Variants in TPD52L2 observed in about 807,000 individuals in gnomAD.
TPD52L2 encodes tumor protein D54.
A neutral mutation model predicts 24.7 loss-of-function variants in TPD52L2; 19 were observed. That is an observed-to-expected ratio of 0.77 (90% CI 0.54 to 1.13). The LOEUF (loss-of-function observed/expected upper bound fraction) is 1.13. Ranked by LOEUF, TPD52L2 falls within the 50% of genes most tolerant of loss-of-function variation. The pLI, the probability that TPD52L2 is intolerant of heterozygous loss-of-function variation, is 0.00. For synonymous variants in TPD52L2, 104 were observed against 100.2 expected, an observed-to-expected ratio of 1.04 and a Z score of -0.23; for missense variants, 236 against 250.4, an observed-to-expected ratio of 0.94 and a Z score of 0.39.
At chr20:63,866,243 T>C (rs1307156533) in intron 1 of TPD52L2, among the ~76,000 whole-genome samples, 1 of 151,760 alleles carries the variant, frequency 6.6e-6, no homozygotes, top group Non-Finnish European at 1.5e-5. Context: ...TAGCTGGGAC[T>C]ACAGGCACGC....
chr20:63,871,928 C>T (rs1473308266), intron 2 of TPD52L2, among the ~76,000 whole-genome samples: 1 of 152,022 alleles, frequency 6.6e-6, no homozygotes, highest in Non-Finnish European at 1.5e-5. Flanking sequence ...GCTATCGTAC[C>T]CGGCCAAGAA....
At chr20:63,886,151 G>T (rs1470258731) in intron 5 of TPD52L2, 2 of 1,099,622 alleles carry the variant, frequency 1.8e-6, no homozygotes, top group Non-Finnish European at 1.4e-6. Context: ...AGTGAAAGTG[G>T]GATCACCCCT....
At chr20:63,887,719 C>T (rs931118496) in intron 5 of TPD52L2, 1 of 1,123,870 alleles carries the variant, frequency 8.9e-7, no homozygotes, top group Admixed American at 1.8e-5. Flanking sequence ...ATTGAGGACT[C>T]CATTCCCTTG....
chr20:63,886,694 G>C (rs1187203882), intron 5 of TPD52L2, among the ~76,000 whole-genome samples: 1 of 150,126 alleles, frequency 6.7e-6, no homozygotes, highest in African/African-American at 2.5e-5. Context: ...CACCAGGCTG[G>C]AGCACAGTGG....
chr20:63,873,908 G>A (rs1306137588), intron 3 of TPD52L2, 92 bp downstream of exon 3: 14 of 1,368,976 alleles, frequency 1.0e-5, no homozygotes, highest in Non-Finnish European at 7.6e-6. Flanking sequence ...CATGCCCAGG[G>A]ACGAGTTGCA....
chr20:63,873,621 C>T, intron 2 of TPD52L2, 47 bp from the exon 3 acceptor site: 3 of 1,600,166 alleles, frequency 1.9e-6, no homozygotes, highest in Non-Finnish European at 2.6e-6. Flanking sequence ...ATGTTAGTCA[C>T]TTCCTGCAGT....
chr20:63,875,278 C>T (rs1195159562), intron 3 of TPD52L2, among the ~76,000 whole-genome samples: 1 of 152,026 alleles, frequency 6.6e-6, no homozygotes, highest in Non-Finnish European at 1.5e-5. Context: ...ACACCTGTCC[C>T]AGATGTCGCT....
In TPD52L2 at chr20:63,882,738, ACT is replaced by A; in HGVS notation, c.397_398del (p.Leu133PhefsTer35). 1.2e-6 allele frequency: 2 copies of A among 1,614,068 alleles called. No individual in the cohort carries two copies. The highest frequency in any genetic ancestry group is 2.2e-5 in the East Asian group (1 of 44,880). On this transcript the variant is annotated frameshift_variant, in exon 5 of 7. Transcript: ENST00000346249. LOFTEE classifies it high-confidence loss of function. ...TTCCAGCTACAAGAAGACTCAGGAAACTCTTTCACAGGCAGGACAGAAGACTT... is the reference window on the plus strand; with the variant it reads ...TTCCAGCTACAAGAAGACTCAGGAAACTTTCACAGGCAGGACAGAAGACTT... ...QSDLYKKTQE[T>X]LSQAGQKTSA...
chr20:63,872,042 CTT>C (rs34989051), intron 2 of TPD52L2, among the ~76,000 whole-genome samples: 203 of 106,838 alleles, frequency 1.9e-3, no homozygotes, highest in East Asian at 2.2e-3. Flanking sequence ...AGGTCATGTT[CTT>C]TTTTTTTTTT....
rs1288512442 is a variant in TPD52L2, at chr20:63,873,743, C to T, written c.241C>T (p.Leu81=). The change falls in exon 3 of 7, where the codon CTG becomes TTG. Residue 81 remains leucine (L), a synonymous_variant. Coordinates refer to ENST00000346249, the MANE Select transcript of TPD52L2 (RefSeq NM_003288.4). ...ERHCGELKRR[L]GLSTLGELKQ... ...GCACTGTGGAGAGCTCAAGAGGAGG[C>T]TGGGCCTCTCCACCCTGGGGGAGCT... The T allele has an allele frequency of 6.2e-7, 1 of 1,606,850 alleles. No individual in the cohort carries two copies. Among genetic ancestry groups the T allele is most frequent in the African/African-American group, 1.3e-5 (1 of 74,528 alleles).
At chr20:63,879,173 A>G (rs1243719480) in intron 4 of TPD52L2, among the ~76,000 whole-genome samples, 2 of 152,168 alleles carry the variant, frequency 1.3e-5, no homozygotes, top group Admixed American at 6.5e-5. Context: ...GCCTCAGGCT[A>G]TGCAGGTGAT....
chr20:63,872,760 T>C (rs2052515877), intron 2 of TPD52L2, among the ~76,000 whole-genome samples: 2 of 151,120 alleles, frequency 1.3e-5, no homozygotes, highest in South Asian at 2.1e-4. Context: ...TGGAGTGCAG[T>C]GGCACAATCT....
chr20:63,882,910 C>A, intron 5 of TPD52L2, 90 bp downstream of exon 5: 1 of 989,826 alleles, frequency 1.0e-6, no homozygotes, highest in Non-Finnish European at 1.5e-6. Context: ...GCCTGGAGAT[C>A]AGGGCTCAGA....
rs770206772 is a variant in TPD52L2 at position 63,869,299 on chromosome 20, T to C, written c.23T>C (p.Ile8Thr). ...GGCCTCATTTTGTCTCTGGCAGATA[T>C]CAACCTGAATTCTCCTAACAAAGGT... MDSAGQD[I>T]NLNSPNKGLL... The change falls in exon 2 of 7, where the codon ATC becomes ACC. Residue 8 changes from isoleucine (I) to threonine (T), a missense_variant. By Grantham distance (89) the Ile-to-Thr change is moderately conservative. Coordinates refer to ENST00000346249, the MANE Select transcript of TPD52L2 (RefSeq NM_003288.4). 2.5e-6 allele frequency: 4 copies of C among 1,614,176 alleles called. No homozygotes were observed. Among genetic ancestry groups the C allele is most frequent in the Non-Finnish European group, 3.4e-6 (4 of 1,179,988 alleles).
rs1399441257 is a variant in TPD52L2 at position 63,875,151 on chromosome 20, A to AT, written c.315-665_315-664insT. 4.1e-4 allele frequency among the ~76,000 whole-genome samples: 59 copies of AT among 145,024 alleles called. 2 individuals carry two copies. The South Asian group carries it at 5.1e-3, about 13-fold the overall frequency. Reference sequence around the variant, plus strand: ...AGCAAGACTCTGTCTCAAAAAAAAAAAATATATATATATATATATTTATAT... The same window carrying AT: ...AGCAAGACTCTGTCTCAAAAAAAAAATAATATATATATATATATATTTATAT... On this transcript the variant is annotated intron_variant, in intron 3 of 6. Coordinates refer to ENST00000346249, the MANE Select transcript of TPD52L2 (RefSeq NM_003288.4).
At chr20:63,886,271 C>T (rs2146241134) in intron 5 of TPD52L2, among the ~76,000 whole-genome samples, 1 of 152,286 alleles carries the variant, frequency 6.6e-6, no homozygotes, top group Non-Finnish European at 1.5e-5. Context: ...TGTGTCCCCT[C>T]CTCGTGCTTC....
intron 5 of TPD52L2, chr20:63,886,159 C>A: frequency 9.9e-7 from 1 of 1,007,132 alleles, no homozygotes. Flanking sequence ...TGGGATCACC[C>A]CTTCCAGGAC....
chr20:63,875,339 G>A (rs769345016), intron 3 of TPD52L2, among the ~76,000 whole-genome samples: 5 of 152,132 alleles, frequency 3.3e-5, no homozygotes, highest in Non-Finnish European at 7.4e-5. Context: ...TGTCCACGTG[G>A]CTTCTCTGAA....
Position 63,890,084 on chromosome 20 carries a change from G to A in TPD52L2, c.*139G>A. ...GGACAGTCCTGCCCATCCACGCGGA[G>A]ATGTGGCTGCCGCGTTTGCATGAAT... On this transcript the variant is annotated 3_prime_UTR_variant, in exon 7 of 7. Coordinates refer to ENST00000346249, the MANE Select transcript of TPD52L2 (RefSeq NM_003288.4). 1 of 1,504,262 alleles carries A rather than the reference G, an allele frequency of 6.6e-7. No individual in the cohort carries two copies. Among genetic ancestry groups the A allele is most frequent in the Non-Finnish European group, 8.9e-7 (1 of 1,123,466 alleles). The allele number at this position is 1,504,262 out of a possible 1,614,324, so 93.2% of individuals were successfully genotyped here.
Sources: gnomAD v4.1 joint callset for allele counts (sites outside exome capture counted in the v4.1 genomes callset) on GRCh38, gnomAD v4.1.1 for gene constraint, MANE v1.5 for transcripts, NCBI Gene and HGNC (gene_info 2026-07-23, HGNC 2026-07-21) for gene names.